The following GPC5 variants were observed in gnomAD, a reference collection of about 807,000 sequenced individuals.
GPC5 encodes the protein glypican-5.
GPC5 carries 47 observed loss-of-function variants against 53.9 expected under a neutral mutation model. That is an observed-to-expected ratio of 0.87 (90% CI 0.69 to 1.11). The LOEUF is 1.11. Among genes scored for constraint, GPC5 ranks in the 50% most tolerant of loss-of-function variants. The probability of loss-of-function intolerance (pLI) is 0.00; values close to 1 mark genes in which losing one functional copy is unlikely to be tolerated. For synonymous variants in GPC5, 286 were observed against 263.3 expected (o/e 1.09, Z -0.84); for missense variants, 748 against 713.1 (o/e 1.05, Z -0.56).
Position 91,756,411 on chromosome 13 carries a change from T to C in GPC5, c.1271T>C (p.Ile424Thr), listed in dbSNP as rs1429895383. Residue 424 changes from isoleucine to threonine, a missense_variant, in exon 5 of 8, where the codon ATA becomes ACA. Physicochemically the swap from Ile to Thr is moderately conservative, Grantham distance 89. Coordinates refer to ENST00000377067, the MANE Select transcript of GPC5 (RefSeq NM_004466.6). Reference protein sequence around the residue: ...DGLPCWNGEDIVKSYTQRVVG... With the variant: ...DGLPCWNGEDTVKSYTQRVVG... ...CTTCCCTGCTGGAATGGAGAAGATA[T>C]AGTAAAAAGGTATTTTATGTGGTCT... The C allele has an allele frequency of 1.9e-6, 3 of 1,584,458 alleles. No homozygotes were observed. Among genetic ancestry groups the C allele is most frequent in the South Asian group, 1.1e-5 (1 of 87,742 alleles).
intron 2 of GPC5, among the ~76,000 whole-genome samples, chr13:91,661,213 C>T (rs2034979894): frequency 1.3e-5 from 2 of 152,118 alleles, no homozygotes; most frequent in South Asian, 4.1e-4. Context: ...ACATCACCCT[C>T]TGTTGCTTTT....
At chr13:92,081,718 A>G (rs977119374) in intron 6 of GPC5, among the ~76,000 whole-genome samples, 8 of 152,228 alleles carry the variant, frequency 5.3e-5, no homozygotes, top group Admixed American at 3.9e-4. Flanking sequence ...ATACCAAAGC[A>G]TAAAGTATAA....
At chr13:92,739,739 G>A (rs2139309120) in intron 7 of GPC5, among the ~76,000 whole-genome samples, 1 of 150,992 alleles carries the variant, frequency 6.6e-6, no homozygotes, top group East Asian at 2.0e-4. Flanking sequence ...GAGAGAGAGA[G>A]AGAGACAATG....
intron 7 of GPC5, among the ~76,000 whole-genome samples, chr13:92,511,791 A>G (rs1298407244): frequency 1.3e-5 from 2 of 152,166 alleles, no homozygotes; most frequent in Admixed American, 6.5e-5. Context: ...AGAAACTGCA[A>G]TCATCAATCT....
At chr13:92,126,839 T>C (rs1276492321) in intron 6 of GPC5, among the ~76,000 whole-genome samples, 1 of 151,122 alleles carries the variant, frequency 6.6e-6, no homozygotes, top group African/African-American at 2.4e-5. Context: ...TGTGTGTATG[T>C]ATGCATGTGT....
chr13:92,140,729 T>C (rs981863861), intron 6 of GPC5, among the ~76,000 whole-genome samples: 2 of 152,198 alleles, frequency 1.3e-5, no homozygotes, highest in East Asian at 3.9e-4. Context: ...ATGGTGGTAG[T>C]GGGTAGGAGA....
At chr13:92,386,253 A>G (rs1372101742) in intron 7 of GPC5, among the ~76,000 whole-genome samples, 1 of 151,996 alleles carries the variant, frequency 6.6e-6, no homozygotes, top group African/African-American at 2.4e-5. Context: ...GTATAATATG[A>G]GCTTCTGAAA....
chr13:91,650,750 G>GTTTTGTTTTGTTTTTTTTTTTTT (rs1555333961), intron 2 of GPC5, among the ~76,000 whole-genome samples: 10 of 99,640 alleles, frequency 1.0e-4, no homozygotes, highest in African/African-American at 4.1e-4. Context: ...ATTCCCATAA[G>GTTTTGTTTTGTTTTTTTTTTTTT]TTTTTTTTTT....
chr13:92,732,646 G>T (rs1888838700), intron 7 of GPC5, among the ~76,000 whole-genome samples: 1 of 151,622 alleles, frequency 6.6e-6, no homozygotes, highest in Admixed American at 6.6e-5. Context: ...GAGATATAAA[G>T]TAATGTCAGA....
At chr13:92,031,082 C>G (rs2040837515) in intron 6 of GPC5, among the ~76,000 whole-genome samples, 1 of 152,080 alleles carries the variant, frequency 6.6e-6, no homozygotes, top group African/African-American at 2.4e-5. Context: ...TTTCTCTTGG[C>G]TTCTATAACA....
intron 6 of GPC5, among the ~76,000 whole-genome samples, chr13:92,118,597 C>T (rs893927487): frequency 6.6e-6 from 1 of 152,114 alleles, no homozygotes; most frequent in Non-Finnish European, 1.5e-5. Flanking sequence ...AGGCCACATT[C>T]CTGGTTCTCT....
At chr13:92,570,150 A>T (rs1882982133) in intron 7 of GPC5, among the ~76,000 whole-genome samples, 1 of 152,198 alleles carries the variant, frequency 6.6e-6, no homozygotes, top group Admixed American at 6.5e-5. Flanking sequence ...ATCATAAAAG[A>T]AGAGCAAAAT....
chr13:92,046,996 G>A (rs2040987238), intron 6 of GPC5, among the ~76,000 whole-genome samples: 1 of 152,164 alleles, frequency 6.6e-6, no homozygotes, highest in Admixed American at 6.5e-5. Context: ...ATTAAATGCA[G>A]TAGATTTAAG....
intron 7 of GPC5, chr13:92,240,905 C>A (rs530980311): frequency 6.6e-6 from 1 of 152,264 alleles, no homozygotes; most frequent in East Asian, 1.9e-4. Context: ...TGGAAGACAT[C>A]TCTGTATTAA....
At chr13:92,456,477 CATA>C (rs750470455) in intron 7 of GPC5, among the ~76,000 whole-genome samples, 2 of 152,152 alleles carry the variant, frequency 1.3e-5, no homozygotes, top group South Asian at 2.1e-4. Flanking sequence ...ATCCATCCTC[CATA>C]ATATCTCTAG....
intron 6 of GPC5, among the ~76,000 whole-genome samples, chr13:91,984,108 G>A (rs762998637): frequency 4.6e-5 from 7 of 152,124 alleles, no homozygotes; most frequent in Non-Finnish European, 1.0e-4. Flanking sequence ...AGTCAATTCT[G>A]AGTTGTTTTC....
intron 7 of GPC5, among the ~76,000 whole-genome samples, chr13:92,439,347 T>C (rs1220380761): frequency 6.6e-6 from 1 of 152,192 alleles, no homozygotes; most frequent in Non-Finnish European, 1.5e-5. Flanking sequence ...ATGGATTTAG[T>C]GATAAGGGAC....
intron 7 of GPC5, among the ~76,000 whole-genome samples, chr13:92,454,306 A>G (rs1429448807): frequency 6.6e-6 from 1 of 152,040 alleles, no homozygotes; most frequent in Admixed American, 6.6e-5. Flanking sequence ...TACTGGTTTT[A>G]TGTTGTTTTT....
chr13:92,406,272 G>C (rs2139343009), intron 7 of GPC5, among the ~76,000 whole-genome samples: 1 of 152,260 alleles, frequency 6.6e-6, no homozygotes, highest in South Asian at 2.1e-4. Context: ...TGCATGTACA[G>C]TTAAACTTTG....
Sources: allele counts gnomAD v4.1 joint callset (sites outside exome capture counted in the v4.1 genomes callset), GRCh38; gene constraint gnomAD v4.1.1; transcripts MANE v1.5; gene names NCBI Gene and HGNC (gene_info 2026-07-23, HGNC 2026-07-21).